The following ARHGAP25 variants were observed in gnomAD, a reference collection of about 807,000 sequenced individuals.
ARHGAP25 encodes the protein rho GTPase-activating protein 25.
ARHGAP25 carries 34 observed loss-of-function variants against 71.0 expected under a neutral mutation model. The ratio of observed to expected loss-of-function variants is 0.48; its 90% CI spans 0.36 to 0.64. The LOEUF (loss-of-function observed/expected upper bound fraction) is 0.64, where lower values mean the gene tolerates loss of function less well. ARHGAP25 is among the 30% of genes least tolerant of loss of function. The pLI is 0.00. For synonymous variants in ARHGAP25, 282 were observed against 296.5 expected (o/e 0.95, Z 0.50); for missense variants, 706 against 805.1 (o/e 0.88, Z 1.49).
At chr2:68,734,258 G>A (rs1675103245), upstream of ARHGAP25, among the ~76,000 whole-genome samples, 2 of 152,174 alleles carry the variant, frequency 1.3e-5, no homozygotes, top group South Asian at 4.1e-4. Context: ...AAGTTGAAGA[G>A]CTAGCAAATG....
intron 4 of ARHGAP25, among the ~76,000 whole-genome samples, chr2:68,803,619 A>G (rs1188231192): frequency 1.3e-5 from 2 of 152,112 alleles, no homozygotes; most frequent in Non-Finnish European, 2.9e-5. Flanking sequence ...ATTGAAAGAG[A>G]AAATTTCAAC....
chr2:68,824,166 C>A (rs546238243), intron 10 of ARHGAP25, among the ~76,000 whole-genome samples: 5 of 152,332 alleles, frequency 3.3e-5, no homozygotes, highest in Admixed American at 6.5e-5. Flanking sequence ...ACTTCTGTGA[C>A]ATCTTGGCAG....
intron 2 of ARHGAP25, among the ~76,000 whole-genome samples, chr2:68,728,473 C>G (rs567001734): frequency 6.6e-6 from 1 of 152,218 alleles, no homozygotes; most frequent in South Asian, 2.1e-4. Flanking sequence ...CCCAGAAATT[C>G]CACTGCTATG....
chr2:68,826,415 A>G lies in ARHGAP25; in HGVS notation c.*221A>G, dbSNP rs147984591. 2.3e-5 allele frequency: 15 copies of G among 661,794 alleles called. No homozygotes were observed. In the East Asian group the frequency reaches 4.2e-4, roughly 19 times the overall value. 41.0% of individuals were successfully genotyped at this position (661,794 alleles called of 1,614,324 possible). A position where few individuals can be genotyped will look rare whatever the true frequency, so the allele number is the denominator to read the frequency against. On this transcript the variant is annotated 3_prime_UTR_variant, in exon 11 of 11. Transcript: ENST00000409202. ...TCTGACCATCCATCGCTGTATTCAA[A>G]TGGATTGTTTTATTCCATTCTGGTC... is the stretch of plus-strand genomic sequence containing the variant.
At chr2:68,778,042 A>G (rs1346913095) in intron 2 of ARHGAP25, among the ~76,000 whole-genome samples, 12 of 152,144 alleles carry the variant, frequency 7.9e-5, no homozygotes, top group Admixed American at 7.2e-4. Context: ...TGTCAAAGCA[A>G]TCTATTATAT....
At chr2:68,822,149 C>T (rs899457749) in intron 9 of ARHGAP25, among the ~76,000 whole-genome samples, 191 bp from the exon 10 acceptor site, 5 of 152,220 alleles carry the variant, frequency 3.3e-5, no homozygotes, top group Middle Eastern at 3.4e-3. Flanking sequence ...ATCTCTAGAA[C>T]ATGGTTCCTT....
At chr2:68,799,314 G>C (rs1453614572) in intron 4 of ARHGAP25, among the ~76,000 whole-genome samples, 1 of 152,170 alleles carries the variant, frequency 6.6e-6, no homozygotes, top group Non-Finnish European at 1.5e-5. Context: ...GTAATGCTGA[G>C]AGCCTGTTTG....
intron 2 of ARHGAP25, among the ~76,000 whole-genome samples, chr2:68,717,297 G>T (rs772517653): frequency 2.0e-5 from 3 of 152,180 alleles, no homozygotes; most frequent in Non-Finnish European, 2.9e-5. Context: ...ATGTCTTTAT[G>T]TGGCACATGA....
At chr2:68,794,679 G>T (rs544786114) in intron 4 of ARHGAP25, among the ~76,000 whole-genome samples, 37 of 152,172 alleles carry the variant, frequency 2.4e-4, no homozygotes, top group South Asian at 1.5e-3. Context: ...TTAGTATTTT[G>T]TTGAGGATTT....
chr2:68,718,457 C>T (rs1170359795), intron 2 of ARHGAP25, among the ~76,000 whole-genome samples: 1 of 152,160 alleles, frequency 6.6e-6, no homozygotes, highest in Non-Finnish European at 1.5e-5. Context: ...ATGGCATCCC[C>T]ATCTCAATAT....
At chr2:68,758,893 C>T (rs1247958426) in intron 1 of ARHGAP25, among the ~76,000 whole-genome samples, 1 of 151,836 alleles carries the variant, frequency 6.6e-6, no homozygotes, top group Non-Finnish European at 1.5e-5. Context: ...AGGTAGGTAT[C>T]GTACAAAGTA....
At chr2:68,764,926 A>G (rs1169246783) in intron 1 of ARHGAP25, among the ~76,000 whole-genome samples, 2 of 151,872 alleles carry the variant, frequency 1.3e-5, no homozygotes, top group Non-Finnish European at 2.9e-5. Flanking sequence ...TTCATTTTAG[A>G]TCTCCCCTTG....
chr2:68,744,294 C>G (rs1675688377), intron 1 of ARHGAP25, among the ~76,000 whole-genome samples: 1 of 152,128 alleles, frequency 6.6e-6, no homozygotes, highest in Non-Finnish European at 1.5e-5. Context: ...TCCCCATTAC[C>G]AGGGCCACCA....
chr2:68,823,307 G>A (rs2103733325), intron 10 of ARHGAP25, among the ~76,000 whole-genome samples: 1 of 149,130 alleles, frequency 6.7e-6, no homozygotes, highest in East Asian at 2.0e-4. Context: ...AACTTCTAGT[G>A]GGGACAGATG....
chr2:68,799,759 G>C (rs539227201), intron 4 of ARHGAP25, among the ~76,000 whole-genome samples: 1 of 152,238 alleles, frequency 6.6e-6, no homozygotes, highest in Admixed American at 6.5e-5. Flanking sequence ...AAGAAGGGCC[G>C]GGAGGGCTGG....
At chr2:68,727,252 G>A (rs567675522) in intron 2 of ARHGAP25, among the ~76,000 whole-genome samples, 179 of 152,280 alleles carry the variant, frequency 1.2e-3, no homozygotes, top group Non-Finnish European at 2.0e-3. Context: ...GCTGACTCAC[G>A]GCCACAAAGA....
intron 1 of ARHGAP25, among the ~76,000 whole-genome samples, chr2:68,744,797 A>G (rs887616097): frequency 3.3e-5 from 5 of 152,188 alleles, no homozygotes; most frequent in Non-Finnish European, 7.4e-5. Context: ...TTCCACCAAT[A>G]AATGTGGTCT....
chr2:68,730,807 G>T (rs10174998), upstream of ARHGAP25, among the ~76,000 whole-genome samples: 1 of 151,952 alleles, frequency 6.6e-6, no homozygotes, highest in Non-Finnish European at 1.5e-5. Context: ...AATGGGGGCC[G>T]TATTTGTGTT....
At position 68,809,279 on chromosome 2, in the gene ARHGAP25, C is replaced by T. The variant is rs75853162; in HGVS notation, c.674+1799C>T. ...TGTTTTGGTGTTGAGGGCTGTGCCCCGCAATGGGCAGAGCATAGAATGCCG... is the reference window on the plus strand; with the variant it reads ...TGTTTTGGTGTTGAGGGCTGTGCCCTGCAATGGGCAGAGCATAGAATGCCG... On this transcript the variant is annotated intron_variant, in intron 5 of 10. Transcript: ENST00000409202. Among the ~76,000 whole-genome samples, 686 of 152,154 alleles carry T rather than the reference C, an allele frequency of 4.5e-3. 4 individuals are homozygous for T. The highest frequency in any genetic ancestry group is 0.015 in the African/African-American group (631 of 41,486).
Sources: allele counts gnomAD v4.1 joint callset (sites outside exome capture counted in the v4.1 genomes callset), GRCh38; gene constraint gnomAD v4.1.1; transcripts MANE v1.5; gene names NCBI Gene and HGNC (gene_info 2026-07-23, HGNC 2026-07-21).